PARP16: variants seen among roughly 807,000 people sequenced by gnomAD.
The protein encoded by PARP16 is poly(ADP-ribose) polymerase family member 16.
In PARP16, 31 loss-of-function variants were observed where a neutral mutation model predicts 35.0. The observed-to-expected ratio is 0.88, with a 90% CI of 0.66 to 1.19. The LOEUF (loss-of-function observed/expected upper bound fraction) is 1.19. Ranked by LOEUF, PARP16 falls within the 50% of genes most tolerant of loss-of-function variation. The pLI is 0.00. For missense variants in PARP16, 424 were observed against 411.2 expected (o/e 1.03, Z -0.27); for synonymous variants, 162 against 169.5 (o/e 0.96, Z 0.34).
downstream of PARP16, among the ~76,000 whole-genome samples, chr15:65,254,234 T>C (rs1300392489): frequency 6.6e-6 from 1 of 152,346 alleles, no homozygotes; most frequent in East Asian, 1.9e-4. Flanking sequence ...AGCAGAACGC[T>C]GGAAATTTTT....
intron 5 of PARP16, 71 bp downstream of exon 5, chr15:65,260,814 G>T: frequency 7.0e-7 from 1 of 1,438,522 alleles, no homozygotes; most frequent in Non-Finnish European, 9.7e-7. Context: ...GGGGAGGGGA[G>T]GCTGATACCT....
At chr15:65,250,105 GCCTTTT>G (rs2089316160) in intron 2 of PARP16, among the ~76,000 whole-genome samples, 1 of 94,034 alleles carries the variant, frequency 1.1e-5, no homozygotes, top group Admixed American at 1.5e-4. Flanking sequence ...GCACCTGCTT[GCCTTTT>G]TTTTTTTTTT....
chr15:65,263,369 A>G (rs758295021), intron 3 of PARP16, 49 bp from the exon 4 acceptor site: 2 of 1,477,256 alleles, frequency 1.4e-6, no homozygotes, highest in African/African-American at 2.8e-5. Flanking sequence ...TTGAATGTAC[A>G]GTTGGCACGG....
At chr15:65,272,286 T>G (rs918931183) in intron 1 of PARP16, among the ~76,000 whole-genome samples, 2 of 152,236 alleles carry the variant, frequency 1.3e-5, no homozygotes, top group Non-Finnish European at 2.9e-5. Context: ...GGACTCAGCC[T>G]AGTTGTCATT....
At chr15:65,275,275 A>G (rs1252424774) in intron 1 of PARP16, among the ~76,000 whole-genome samples, 1 of 152,094 alleles carries the variant, frequency 6.6e-6, no homozygotes, top group Non-Finnish European at 1.5e-5. Context: ...GCTATATGAA[A>G]CCACAGAAGT....
At chr15:65,246,669 T>C (rs1028202355) in intron 3 of PARP16, among the ~76,000 whole-genome samples, 14 of 152,198 alleles carry the variant, frequency 9.2e-5, no homozygotes, top group African/African-American at 2.4e-4. Flanking sequence ...TGAACCTGTC[T>C]TTCATAGTAC....
intron 4 of PARP16, 28 bp from the exon 5 acceptor site, chr15:65,261,054 C>T: frequency 1.2e-6 from 2 of 1,604,282 alleles, no homozygotes; most frequent in South Asian, 2.2e-5. Context: ...AACACATCTT[C>T]ACTGGGGGAA....
downstream of PARP16, among the ~76,000 whole-genome samples, chr15:65,233,051 G>T (rs892891128): frequency 6.6e-6 from 1 of 152,114 alleles, no homozygotes; most frequent in African/African-American, 2.4e-5. Flanking sequence ...TTTCAGTCAC[G>T]CAAGATGAAT....
chr15:65,242,220 T>A (rs918229225), intron 3 of PARP16, among the ~76,000 whole-genome samples: 1 of 152,248 alleles, frequency 6.6e-6, no homozygotes, highest in Admixed American at 6.5e-5. Flanking sequence ...TCTTTTTCAG[T>A]GATCTATATG....
At chr15:65,274,872 T>C (rs1455315780) in intron 1 of PARP16, among the ~76,000 whole-genome samples, 2 of 152,004 alleles carry the variant, frequency 1.3e-5, no homozygotes, top group African/African-American at 2.4e-5. Context: ...TCCCAGCACT[T>C]TGGGAGGCCG....
At chr15:65,273,276 CAAAAA>C (rs1233896826) in intron 1 of PARP16, among the ~76,000 whole-genome samples, 1 of 57,528 alleles carries the variant, frequency 1.7e-5, no homozygotes, top group Non-Finnish European at 3.5e-5. Context: ...GACTCTGTCT[CAAAAA>C]AAAAAAAAAA....
chr15:65,260,099 C>T (rs1478551756), intron 5 of PARP16, among the ~76,000 whole-genome samples: 2 of 152,218 alleles, frequency 1.3e-5, no homozygotes, highest in African/African-American at 2.4e-5. Context: ...CCCAGGCACC[C>T]TATATACATT....
At chr15:65,248,843 T>C (rs1310120300) in intron 2 of PARP16, among the ~76,000 whole-genome samples, 1 of 152,184 alleles carries the variant, frequency 6.6e-6, no homozygotes, top group East Asian at 1.9e-4. Flanking sequence ...AAGCAGATGT[T>C]ATACGTTGTG....
chr15:65,279,318 G>A (rs1473374972), intron 1 of PARP16, among the ~76,000 whole-genome samples: 1 of 152,188 alleles, frequency 6.6e-6, no homozygotes, highest in African/African-American at 2.4e-5. Context: ...ACAGGTGTTG[G>A]TTGCTATATT....
At chr15:65,239,908 G>A (rs1443313097) in intron 3 of PARP16, among the ~76,000 whole-genome samples, 7 of 144,750 alleles carry the variant, frequency 4.8e-5, no homozygotes, top group African/African-American at 1.8e-4. Flanking sequence ...CGCTCACCTC[G>A]GCCTCCCAAA....
intron 2 of PARP16, among the ~76,000 whole-genome samples, 182 bp from the exon 3 acceptor site, chr15:65,266,950 C>T (rs1215050276): frequency 6.6e-5 from 10 of 152,120 alleles, no homozygotes; most frequent in Non-Finnish European, 4.4e-5. Context: ...TCTTTAATAA[C>T]ATTTTTCCCG....
chr15:65,240,309 TGGTGGGGGGGGCTA>T (rs765561955), intron 3 of PARP16, among the ~76,000 whole-genome samples: 2 of 86,498 alleles, frequency 2.3e-5, no homozygotes, highest in African/African-American at 3.4e-5. Flanking sequence ...TGTGTGTGTG[TGGTGGGGGGGGCTA>T]GTGTGTGTGT....
chr15:65,236,141 G>A (rs868333214), intron 3 of PARP16, among the ~76,000 whole-genome samples: 1 of 152,078 alleles, frequency 6.6e-6, no homozygotes, highest in Non-Finnish European at 1.5e-5. Context: ...TTACAGGCGT[G>A]AGCCACTGTG....
At chr15:65,280,628 C>T (rs1008311104) in intron 1 of PARP16, among the ~76,000 whole-genome samples, 2 of 151,892 alleles carry the variant, frequency 1.3e-5, no homozygotes, top group Non-Finnish European at 2.9e-5. Context: ...GGAGTGGAGG[C>T]ACAGAATAAG....
Sources: allele counts gnomAD v4.1 joint callset (sites outside exome capture counted in the v4.1 genomes callset), GRCh38; gene constraint gnomAD v4.1.1; transcripts MANE v1.5; gene names NCBI Gene and HGNC (gene_info 2026-07-23, HGNC 2026-07-21).